GRB2: variants seen among roughly 807,000 people sequenced by gnomAD.
GRB2 encodes the protein growth factor receptor-bound protein 2.
In GRB2, 2 loss-of-function variants were observed where a neutral mutation model predicts 27.4. The ratio of observed to expected loss-of-function variants is 0.07; its 90% CI spans 0.03 to 0.23. The LOEUF (loss-of-function observed/expected upper bound fraction) is 0.23, where lower values mean the gene tolerates loss of function less well. Among genes scored for constraint, GRB2 ranks in the 10% least tolerant of loss-of-function variants. The pLI, the probability that GRB2 is intolerant of heterozygous loss-of-function variation, is 1.00. For synonymous variants in GRB2, 94 were observed against 99.6 expected (o/e 0.94, Z 0.33); for missense variants, 102 against 282.4 (o/e 0.36, Z 4.58).
intron 2 of GRB2, among the ~76,000 whole-genome samples, chr17:75,355,330 T>G (rs963158366): frequency 6.6e-6 from 1 of 152,180 alleles, no homozygotes; most frequent in Non-Finnish European, 1.5e-5. Flanking sequence ...CAGACTTCTT[T>G]TGACTCTACT....
At chr17:75,350,685 G>C (rs2078685723) in intron 2 of GRB2, among the ~76,000 whole-genome samples, 1 of 152,074 alleles carries the variant, frequency 6.6e-6, no homozygotes, top group Admixed American at 6.6e-5. Flanking sequence ...GTAGAGACAG[G>C]GTTTCACCGT....
At chr17:75,332,947 C>A (rs2078550929) in intron 2 of GRB2, 150 bp from the exon 3 acceptor site, 2 of 500,642 alleles carry the variant, frequency 4.0e-6, no homozygotes, top group Non-Finnish European at 3.5e-6. Context: ...CTTTTAACTT[C>A]AAACAACCAG....
intron 2 of GRB2, among the ~76,000 whole-genome samples, chr17:75,337,681 C>T (rs1326872925): frequency 2.0e-5 from 3 of 146,554 alleles, no homozygotes; most frequent in Non-Finnish European, 4.5e-5. Flanking sequence ...GGCCATTCTC[C>T]TGCCTCAGCC....
Position 75,320,577 on chromosome 17 carries a change from C to T in GRB2, c.469-24G>A, listed in dbSNP as rs2078451744. 6.3e-7 allele frequency: 1 copy of T among 1,599,046 alleles called. No homozygotes were observed. Among genetic ancestry groups the T allele is most frequent in the African/African-American group, 1.3e-5 (1 of 74,550 alleles). The stretch of plus-strand genomic sequence containing the variant: ...TGCTGCAAAACAGGAGCAGGAAAAA[C>T]CCACATTGCATTCCTGGTCTGTGAC... On this transcript the variant is annotated intron_variant, in intron 5 of 5. Transcript: ENST00000316804. The surrounding 1 kb of genome is among the most constrained non-coding windows in gnomAD (Gnocchi z 4.3).
rs890740860 is a variant in GRB2, at chr17:75,344,840, C to T, written c.79-12043G>A. On this transcript the variant is annotated intron_variant, in intron 2 of 5. Coordinates refer to ENST00000316804, the MANE Select transcript of GRB2 (RefSeq NM_002086.5). ...TAAAACACAAAGCCTCCCCAACCCC[C>T]CACACCCCCTCCCAACCCCCCCGCC... Among the ~76,000 whole-genome samples the T allele has an allele frequency of 4.7e-4, 72 of 151,902 alleles. 1 individual carries two copies. The highest frequency in any genetic ancestry group is 1.7e-3 in the African/African-American group (69 of 41,392).
chr17:75,378,722 A>G (rs762762735), intron 2 of GRB2, among the ~76,000 whole-genome samples: 33 of 152,216 alleles, frequency 2.2e-4, no homozygotes, highest in Non-Finnish European at 3.1e-4. Flanking sequence ...ACGAACAACT[A>G]CAGTATTAGT....
Position 75,405,633 on chromosome 17 carries a change from C to CGCCGCT in GRB2, c.-288_-283dup, listed in dbSNP as rs2079095665. The CGCCGCT allele has an allele frequency of 6.2e-6, 1 of 162,420 alleles. No individual in the cohort carries two copies. The highest frequency in any genetic ancestry group is 1.3e-5 in the Non-Finnish European group (1 of 74,658). The allele number at this position is 162,420 out of a possible 1,614,324, so 10.1% of individuals were successfully genotyped here. ...GCACAGACTCTGCCACAGCCGCCGC[C>CGCCGCT]GCCGCTGCCGCCGCCCGGTCGCCGA... is the stretch of plus-strand genomic sequence containing the variant. On this transcript the variant is annotated 5_prime_UTR_variant, in exon 1 of 6. Transcript: ENST00000316804.
In GRB2 at chr17:75,320,053, C is replaced by T. The variant is rs2078447673; in HGVS notation, c.*315G>A. The T allele has an allele frequency of 8.3e-6, 2 of 241,524 alleles. No homozygotes were observed. Among genetic ancestry groups the T allele is most frequent in the Admixed American group, 4.9e-5 (1 of 20,346 alleles). 15.0% of individuals were successfully genotyped at this position (241,524 alleles called of 1,614,324 possible). A position where few individuals can be genotyped will look rare whatever the true frequency, so the allele number is the denominator to read the frequency against. On this transcript the variant is annotated 3_prime_UTR_variant, in exon 6 of 6. Coordinates refer to ENST00000316804, the MANE Select transcript of GRB2 (RefSeq NM_002086.5). This position sits in a 1 kb window ranked among gnomAD's most constrained non-coding sequence, Gnocchi z 4.3. ...ATTATTGGCGTCAGCTAGGACTATA[C>T]GTGGCCTTAAACGTCATGCACTGAT...
At chr17:75,362,559 A>G (rs1027281347) in intron 2 of GRB2, among the ~76,000 whole-genome samples, 3 of 152,228 alleles carry the variant, frequency 2.0e-5, no homozygotes, top group African/African-American at 4.8e-5. Flanking sequence ...AGGGCTTAAT[A>G]ATTTTCACTT....
chr17:75,325,751 C>A, intron 4 of GRB2, 147 bp downstream of exon 4: 1 of 854,778 alleles, frequency 1.2e-6, no homozygotes, highest in Non-Finnish European at 1.9e-6. Context: ...TGAGAGGAGC[C>A]AGAAATTAGG....
intron 2 of GRB2, among the ~76,000 whole-genome samples, chr17:75,388,114 T>C (rs557543341): frequency 1.3e-5 from 2 of 152,282 alleles, no homozygotes; most frequent in East Asian, 3.9e-4. Context: ...TTTGTTTTTT[T>C]GAGATGGAGT....
intron 2 of GRB2, among the ~76,000 whole-genome samples, chr17:75,348,241 T>C (rs549967590): frequency 6.6e-6 from 1 of 152,316 alleles, no homozygotes; most frequent in Admixed American, 6.5e-5. Context: ...AGGCAGGGTC[T>C]CACCATGTTG....
At chr17:75,397,189 T>A (rs1207444693) in intron 1 of GRB2, among the ~76,000 whole-genome samples, 1 of 152,142 alleles carries the variant, frequency 6.6e-6, no homozygotes, top group Non-Finnish European at 1.5e-5. Context: ...TATTAGGTTA[T>A]CCACCCAAAA....
At chr17:75,331,424 A>G (rs926933934) in intron 3 of GRB2, among the ~76,000 whole-genome samples, 1 of 152,230 alleles carries the variant, frequency 6.6e-6, no homozygotes, top group Non-Finnish European at 1.5e-5. Flanking sequence ...CAAGGAAGGT[A>G]GCCTTTCCTA....
chr17:75,390,018 G>GC (rs2078988765), intron 2 of GRB2, among the ~76,000 whole-genome samples: 1 of 152,134 alleles, frequency 6.6e-6, no homozygotes, highest in Non-Finnish European at 1.5e-5. Context: ...AACTCTCAAA[G>GC]CAACTTATCC....
chr17:75,340,640 G>A (rs1330038895), intron 2 of GRB2, among the ~76,000 whole-genome samples: 13 of 152,130 alleles, frequency 8.5e-5, no homozygotes, highest in African/African-American at 2.2e-4. Flanking sequence ...GCCTGATTAC[G>A]TATTTTATTA....
intron 2 of GRB2, among the ~76,000 whole-genome samples, chr17:75,350,043 A>C (rs1260069751): frequency 1.1e-5 from 1 of 87,860 alleles, no homozygotes; most frequent in Non-Finnish European, 3.4e-5. Context: ...CTAATAAAAC[A>C]ACCAAAAAAA....
intron 2 of GRB2, among the ~76,000 whole-genome samples, chr17:75,384,560 C>T (rs1450193111): frequency 6.6e-6 from 1 of 152,094 alleles, no homozygotes; most frequent in Non-Finnish European, 1.5e-5. Flanking sequence ...ATCCCAGCTA[C>T]TCAAGAGGCT....
chr17:75,343,159 G>T (rs1438092072), intron 2 of GRB2, among the ~76,000 whole-genome samples: 1 of 151,594 alleles, frequency 6.6e-6, no homozygotes, highest in Non-Finnish European at 1.5e-5. Flanking sequence ...GAGAGGAGGT[G>T]TAAGTCTGTT....
Sources: gnomAD v4.1 joint callset for allele counts (sites outside exome capture counted in the v4.1 genomes callset) on GRCh38, gnomAD v4.1.1 for gene constraint, Gnocchi (gnomAD v3.1) non-coding constraint, MANE v1.5 for transcripts, NCBI Gene and HGNC (gene_info 2026-07-23, HGNC 2026-07-21) for gene names.